PRMT9: variants seen among roughly 807,000 people sequenced by gnomAD.
PRMT9 encodes protein arginine N-methyltransferase 9.
PRMT9 carries 59 observed loss-of-function variants against 83.2 expected under a neutral mutation model. The ratio of observed to expected loss-of-function variants is 0.71; its 90% CI spans 0.57 to 0.88. The LOEUF (loss-of-function observed/expected upper bound fraction) is 0.88. PRMT9 is among the 40% of genes least tolerant of loss of function. The probability of loss-of-function intolerance (pLI) is 0.00; values close to 1 mark genes in which losing one functional copy is unlikely to be tolerated. For synonymous variants in PRMT9, 333 were observed against 353.2 expected, an observed-to-expected ratio of 0.94 and a Z score of 0.64; for missense variants, 947 against 1,021.9, an observed-to-expected ratio of 0.93 and a Z score of 1.00.
At chr4:147,668,978 T>C (rs935027638) in intron 5 of PRMT9, among the ~76,000 whole-genome samples, 1 of 151,856 alleles carries the variant, frequency 6.6e-6, no homozygotes, top group Non-Finnish European at 1.5e-5. Context: ...CCCAGCTACT[T>C]GGGAGGCTGA....
At chr4:147,657,640 A>C (rs901833636) in intron 8 of PRMT9, 152 bp downstream of exon 8, 1 of 661,984 alleles carries the variant, frequency 1.5e-6, no homozygotes, top group South Asian at 1.8e-5. Context: ...ACCTATTTCA[A>C]ATTTCTTTTG....
intron 1 of PRMT9, among the ~76,000 whole-genome samples, chr4:147,681,544 TG>T (rs1474999841): frequency 6.6e-6 from 1 of 152,252 alleles, no homozygotes; most frequent in African/African-American, 2.4e-5. Flanking sequence ...CCCAGCCCTT[TG>T]GGAGGCCAAG....
chr4:147,644,275 G>A (rs549024010), intron 9 of PRMT9, among the ~76,000 whole-genome samples: 4 of 151,548 alleles, frequency 2.6e-5, no homozygotes, highest in Non-Finnish European at 5.9e-5. Flanking sequence ...ATTACTGAGT[G>A]TAAGGTATAT....
At chr4:147,669,042 C>T (rs567671021) in intron 5 of PRMT9, among the ~76,000 whole-genome samples, 1 of 151,828 alleles carries the variant, frequency 6.6e-6, no homozygotes, top group Non-Finnish European at 1.5e-5. Flanking sequence ...GCCGAGATCA[C>T]GCCACTGCAC....
intron 2 of PRMT9, among the ~76,000 whole-genome samples, chr4:147,675,778 A>G (rs1736030644): frequency 6.6e-6 from 1 of 152,176 alleles, no homozygotes; most frequent in Non-Finnish European, 1.5e-5. Context: ...TTTTTCTTTT[A>G]ACTAGGAAAA....
chr4:147,645,583 G>T (rs937861827), intron 9 of PRMT9, among the ~76,000 whole-genome samples: 1 of 152,200 alleles, frequency 6.6e-6, no homozygotes, highest in South Asian at 2.1e-4. Context: ...TATGATGCCA[G>T]CAATCAACTA....
chr4:147,653,700 A>G, intron 9 of PRMT9, 152 bp downstream of exon 9: 2 of 641,882 alleles, frequency 3.1e-6, no homozygotes, highest in South Asian at 3.9e-5. Context: ...TTAGCAGCAA[A>G]TGAAGTCACA....
chr4:147,683,750 T>TTACGAGGACGTTGGA, intron 1 of PRMT9, 49 bp downstream of exon 1: 1 of 1,485,170 alleles, frequency 6.7e-7, no homozygotes, highest in Non-Finnish European at 9.2e-7. Context: ...TTTTTTTTTT[T>TTACGAGGACGTTGGA]TTACGAGGAC....
rs775448359 is a variant in PRMT9 at position 147,642,925 on chromosome 4, A to C, written c.2061T>G (p.Ser687=). The C allele has an allele frequency of 6.8e-6, 11 of 1,614,028 alleles. No individual in the cohort carries two copies. The highest frequency in any genetic ancestry group is 1.3e-5 in the African/African-American group (1 of 74,940). Residue 687 remains serine, a synonymous_variant, in exon 10 of 12, where the codon TCT becomes TCG. Transcript: ENST00000322396. ...KAAISRCLLQ[S]GGKIFPQYVL... is the part of the protein sequence containing the mutation. The stretch of plus-strand genomic sequence containing the variant: ...CATACTGAGGAAAGATCTTGCCTCC[A>C]GATTGTAGTAAACACCTAAGAAAAA...
At chr4:147,680,269 A>G in intron 2 of PRMT9, 54 bp downstream of exon 2, 1 of 1,530,626 alleles carries the variant, frequency 6.5e-7, no homozygotes, top group South Asian at 1.1e-5. Flanking sequence ...ATTTATCCCT[A>G]TCCAGACTAA....
intron 9 of PRMT9, among the ~76,000 whole-genome samples, chr4:147,651,404 A>C (rs951102317): frequency 6.6e-6 from 1 of 152,220 alleles, no homozygotes; most frequent in Admixed American, 6.5e-5. Flanking sequence ...TCAAATTTTA[A>C]AACTTTTGCA....
In PRMT9 at chr4:147,638,621, C is replaced by A. The variant is rs1453344634; in HGVS notation, c.2449G>T (p.Asp817Tyr). The A allele has an allele frequency of 1.9e-6, 3 of 1,613,896 alleles. No homozygotes were observed. In the South Asian group the frequency reaches 3.3e-5, roughly 18 times the overall value. ...SHWKQAAVVL[D>Y]NPIQVEMGEE... ...CCCATTTCAACCTGGATGGGATTATCTAAAACAACTGCAGCTTGTTTCCAG... is the reference window on the plus strand; with the variant it reads ...CCCATTTCAACCTGGATGGGATTATATAAAACAACTGCAGCTTGTTTCCAG... The change falls in exon 12 of 12, where the codon GAT becomes TAT. Residue 817 changes from aspartate to tyrosine, a missense_variant. Coordinates refer to ENST00000322396, the MANE Select transcript of PRMT9 (RefSeq NM_138364.4).
chr4:147,647,381 T>C (rs900410920), intron 9 of PRMT9, among the ~76,000 whole-genome samples: 2 of 152,018 alleles, frequency 1.3e-5, no homozygotes, highest in African/African-American at 2.4e-5. Context: ...TATGATTTCA[T>C]CCCCAACCAA....
intron 6 of PRMT9, among the ~76,000 whole-genome samples, chr4:147,665,286 C>T (rs1189942588): frequency 6.6e-6 from 1 of 152,038 alleles, no homozygotes; most frequent in East Asian, 1.9e-4. Context: ...TCTTGCCTTC[C>T]AAAAACTAAT....
In PRMT9 at chr4:147,672,951, GATA is replaced by G; in HGVS notation, c.743+5_743+7del. 1 of 1,609,840 alleles carries G rather than the reference GATA, an allele frequency of 6.2e-7. No homozygotes were observed. Among genetic ancestry groups the G allele is most frequent in the East Asian group, 2.2e-5 (1 of 44,806 alleles). On this transcript the variant is annotated splice_donor_5th_base_variant and intron_variant, in intron 4 of 11. Transcript: ENST00000322396. ...TATAAACACTAAAATTAGTTTACAT[GATA>G]ATACCTTTCGGGAATATGTTTTGGA...
intron 9 of PRMT9, among the ~76,000 whole-genome samples, chr4:147,653,450 AAAAAT>A (rs1734257490): frequency 7.8e-6 from 1 of 128,140 alleles, no homozygotes; most frequent in African/African-American, 4.0e-5. Flanking sequence ...CTTAAAAAAA[AAAAAT>A]ATATATATAT....
In PRMT9 at chr4:147,644,689, C is replaced by T. The variant is rs554894085; in HGVS notation, c.2046-1749G>A. ...TAACCAGGTGTTCATATTGCTAGGC[C>T]GTGGAAGCTGTGCCCATGGGAGAAG... On this transcript the variant is annotated intron_variant, in intron 9 of 11. Coordinates refer to ENST00000322396, the MANE Select transcript of PRMT9 (RefSeq NM_138364.4). Among the ~76,000 whole-genome samples the T allele has an allele frequency of 2.6e-5, 4 of 152,216 alleles. No homozygotes were observed. The East Asian group carries it at 5.8e-4, about 22-fold the overall frequency.
chr4:147,662,296 G>A (rs1470073739), intron 6 of PRMT9, among the ~76,000 whole-genome samples: 2 of 152,180 alleles, frequency 1.3e-5, no homozygotes, highest in Non-Finnish European at 1.5e-5. Flanking sequence ...ACTAATCTAC[G>A]GTGTTAGAAG....
intron 9 of PRMT9, 70 bp downstream of exon 9, chr4:147,653,782 C>T: frequency 9.3e-7 from 1 of 1,072,390 alleles, no homozygotes; most frequent in South Asian, 1.4e-5. Flanking sequence ...GATTAAAGAA[C>T]TTAAGGAATT....
Sources: gnomAD v4.1 joint callset for allele counts (sites outside exome capture counted in the v4.1 genomes callset) on GRCh38, gnomAD v4.1.1 for gene constraint, MANE v1.5 for transcripts, NCBI Gene and HGNC (gene_info 2026-07-23, HGNC 2026-07-21) for gene names.